IFT43: variants seen among roughly 807,000 people sequenced by gnomAD.
The protein encoded by IFT43 is intraflagellar transport 43.
A neutral mutation model predicts 32.3 loss-of-function variants in IFT43; 33 were observed. The ratio of observed to expected loss-of-function variants is 1.02; its 90% CI spans 0.77 to 1.37. The LOEUF (loss-of-function observed/expected upper bound fraction) is 1.37, where lower values mean the gene tolerates loss of function less well. Ranked by LOEUF, IFT43 falls within the 40% of genes most tolerant of loss-of-function variation. The pLI is 0.00. For missense variants in IFT43, 274 were observed against 265.9 expected (o/e 1.03, Z -0.21); for synonymous variants, 93 against 98.2 (o/e 0.95, Z 0.31).
intron 5 of IFT43, among the ~76,000 whole-genome samples, chr14:76,065,730 A>C (rs1199806689): frequency 2.0e-5 from 3 of 152,158 alleles, no homozygotes; most frequent in Admixed American, 6.5e-5. Context: ...GACATACCAC[A>C]GTATGTTCAG....
At chr14:76,006,917 G>A (rs2139912358) in intron 2 of IFT43, among the ~76,000 whole-genome samples, 1 of 149,476 alleles carries the variant, frequency 6.7e-6, no homozygotes, top group African/African-American at 2.5e-5. Flanking sequence ...GAGTGCAATG[G>A]TGGGATCATG....
At chr14:75,986,217 T>G in intron 1 of IFT43, 1 of 1,300,866 alleles carries the variant, frequency 7.7e-7, no homozygotes, top group Non-Finnish European at 1.0e-6. Context: ...CCTAGAGTTT[T>G]TCCTTTGGGA....
At chr14:76,009,525 C>A (rs1036943310) in intron 2 of IFT43, among the ~76,000 whole-genome samples, 1 of 152,204 alleles carries the variant, frequency 6.6e-6, no homozygotes, top group Non-Finnish European at 1.5e-5. Context: ...TGTGTTCTCT[C>A]TATTTTTGTC....
intron 1 of IFT43, 95 bp downstream of exon 1, chr14:75,985,935 G>T: frequency 1.9e-6 from 3 of 1,553,726 alleles, no homozygotes; most frequent in South Asian, 1.2e-5. Context: ...ACTCAGGGCG[G>T]CAGGCCTCGC....
intron 3 of IFT43, among the ~76,000 whole-genome samples, chr14:76,048,855 A>G (rs528130713): frequency 4.6e-5 from 7 of 152,360 alleles, no homozygotes; most frequent in Admixed American, 3.9e-4. Flanking sequence ...AGGCTGCCAC[A>G]CATGGTCCTG....
intron 5 of IFT43, among the ~76,000 whole-genome samples, chr14:76,077,434 G>A (rs1224647762): frequency 1.3e-5 from 2 of 152,122 alleles, no homozygotes; most frequent in African/African-American, 4.8e-5. Context: ...CCTGACCTGA[G>A]GAGCATCTGT....
At position 75,988,954 on chromosome 14, in the gene IFT43, T is replaced by C; in HGVS notation, c.124T>C (p.Ser42Pro). 1 of 1,613,938 alleles carries C rather than the reference T, an allele frequency of 6.2e-7. No individual in the cohort carries two copies. The highest frequency in any genetic ancestry group is 8.5e-7 in the Non-Finnish European group (1 of 1,180,004). ...CGAGAATCACCTCAATGGCAAGAAT[T>C]CCTCTTTGACTCTGACTGGAGAGGT... ...QAENHLNGKN[S>P]SLTLTGETSS... Residue 42 changes from serine (S) to proline (P), a missense_variant, in exon 2 of 9, where the codon TCC becomes CCC. By Grantham distance (74) the Ser-to-Pro change is moderately conservative. Transcript: ENST00000314067.
intron 1 of IFT43, chr14:75,986,171 TA>T: frequency 2.2e-6 from 3 of 1,335,200 alleles, no homozygotes; most frequent in South Asian, 1.2e-5. Flanking sequence ...CACAGGGTGA[TA>T]GGGGAGCCCC....
chr14:76,064,345 C>G (rs748183077), intron 5 of IFT43, among the ~76,000 whole-genome samples: 2 of 152,224 alleles, frequency 1.3e-5, no homozygotes, highest in East Asian at 1.9e-4. Context: ...GTCACACTTG[C>G]AATCTGCCTG....
Position 76,076,633 on chromosome 14 carries a change from C to T in IFT43, c.296-5662C>T, listed in dbSNP as rs955489756. 23 of 1,613,964 alleles carry T rather than the reference C, an allele frequency of 1.4e-5. 1 individual carries two copies. The highest frequency in any genetic ancestry group is 1.1e-4 in the African/African-American group (8 of 74,902). On this transcript the variant is annotated intron_variant, in intron 5 of 8. Transcript: ENST00000314067. ...CAGGCAAACAACAGCTGGATCTGAA[C>T]GCATGCTATCACAAAACGCATCACA...
At chr14:76,058,924 G>C in intron 4 of IFT43, 1 of 1,452,416 alleles carries the variant, frequency 6.9e-7, no homozygotes, top group Non-Finnish European at 9.0e-7. Context: ...CCAGGTATCA[G>C]GGTACTGGCC....
chr14:75,997,219 T>C (rs931861090), intron 2 of IFT43, among the ~76,000 whole-genome samples: 34 of 152,222 alleles, frequency 2.2e-4, no homozygotes, highest in Non-Finnish European at 3.2e-4. Context: ...AATGGAGCAG[T>C]TGACCATACA....
At chr14:75,985,946 G>A in intron 1 of IFT43, 106 bp downstream of exon 1, 1 of 1,544,030 alleles carries the variant, frequency 6.5e-7, no homozygotes, top group Non-Finnish European at 8.7e-7. Flanking sequence ...CAGGCCTCGC[G>A]CCGCGCCGGG....
chr14:76,007,460 T>C (rs549852670), intron 2 of IFT43, among the ~76,000 whole-genome samples: 4 of 152,286 alleles, frequency 2.6e-5, no homozygotes, highest in Non-Finnish European at 5.9e-5. Context: ...GAGATCAGGT[T>C]TCCTAAAGCA....
At chr14:76,055,409 T>G (rs1447085690) in intron 3 of IFT43, among the ~76,000 whole-genome samples, 1 of 151,780 alleles carries the variant, frequency 6.6e-6, no homozygotes, top group Non-Finnish European at 1.5e-5. Context: ...TATGTGTATA[T>G]ATAAAACAGG....
intron 5 of IFT43, among the ~76,000 whole-genome samples, chr14:76,075,553 G>A (rs972576678): frequency 6.6e-6 from 1 of 152,174 alleles, no homozygotes; most frequent in East Asian, 1.9e-4. Context: ...GCCATTTTCT[G>A]GTATTTGGTT....
chr14:76,070,740 G>A (rs1292522144), intron 5 of IFT43, among the ~76,000 whole-genome samples: 1 of 152,050 alleles, frequency 6.6e-6, no homozygotes, highest in Non-Finnish European at 1.5e-5. Flanking sequence ...TAGTGAGTGA[G>A]TTCCGGTTGT....
At chr14:75,997,468 A>C (rs1167160590) in intron 2 of IFT43, among the ~76,000 whole-genome samples, 3 of 152,216 alleles carry the variant, frequency 2.0e-5, no homozygotes, top group Non-Finnish European at 4.4e-5. Context: ...CAACCACTGT[A>C]CCTTCCTCTG....
chr14:76,039,712 G>C (rs984528805), intron 3 of IFT43, among the ~76,000 whole-genome samples: 1 of 152,050 alleles, frequency 6.6e-6, no homozygotes, highest in Non-Finnish European at 1.5e-5. Flanking sequence ...GAAAGAGTGG[G>C]ATATGAAACC....
Sources: allele counts gnomAD v4.1 joint callset (sites outside exome capture counted in the v4.1 genomes callset), GRCh38; gene constraint gnomAD v4.1.1; transcripts MANE v1.5; gene names NCBI Gene and HGNC (gene_info 2026-07-23, HGNC 2026-07-21).